Variants in HS3ST5 observed in about 807,000 individuals in gnomAD.
HS3ST5 encodes heparan sulfate-glucosamine 3-sulfotransferase 5, also known as heparan sulfate glucosamine 3-O-sulfotransferase 5.
Under a neutral mutation model 25.4 loss-of-function variants are expected in HS3ST5, and 10 were observed. The ratio of observed to expected loss-of-function variants is 0.39; its 90% CI spans 0.24 to 0.67. The LOEUF is 0.67. Among genes scored for constraint, HS3ST5 ranks in the 30% least tolerant of loss-of-function variants. The pLI is 0.44. For missense variants in HS3ST5, 324 were observed against 420.7 expected, an observed-to-expected ratio of 0.77 and a Z score of 2.01; for synonymous variants, 170 against 162.4, an observed-to-expected ratio of 1.05 and a Z score of -0.36.
intron 1 of HS3ST5, among the ~76,000 whole-genome samples, chr6:114,314,664 C>G (rs564106107): frequency 6.6e-6 from 1 of 152,254 alleles, no homozygotes; most frequent in African/African-American, 2.4e-5. Context: ...TATGGCCAGG[C>G]TTTCATCAAA....
At chr6:114,143,077 C>T (rs756425751) in intron 3 of HS3ST5, 2 of 152,160 alleles carry the variant, frequency 1.3e-5, no homozygotes, top group Non-Finnish European at 2.9e-5. Flanking sequence ...ACTTGTCACT[C>T]ATTAAATCTG....
At chr6:114,262,274 G>A (rs990336596) in intron 1 of HS3ST5, among the ~76,000 whole-genome samples, 1 of 152,168 alleles carries the variant, frequency 6.6e-6, no homozygotes, top group Non-Finnish European at 1.5e-5. Flanking sequence ...GCGGCTGGGC[G>A]CGGTGGCTCA....
intron 1 of HS3ST5, among the ~76,000 whole-genome samples, chr6:114,262,713 A>G (rs955251629): frequency 6.6e-6 from 1 of 152,206 alleles, no homozygotes; most frequent in Non-Finnish European, 1.5e-5. Context: ...TAAAACAGCA[A>G]TAATATTTAA....
chr6:114,162,106 T>TTATTCTCTC (rs1779001957), intron 3 of HS3ST5, among the ~76,000 whole-genome samples: 2 of 152,114 alleles, frequency 1.3e-5, no homozygotes, highest in South Asian at 4.1e-4. Flanking sequence ...AAAGATAAAA[T>TTATTCTCTC]TATTCTCTCA....
intron 2 of HS3ST5, among the ~76,000 whole-genome samples, chr6:114,199,038 C>G (rs1295047347): frequency 6.6e-6 from 1 of 151,954 alleles, no homozygotes; most frequent in Non-Finnish European, 1.5e-5. Context: ...ACTTCCAAGA[C>G]ATAGGGCAAC....
At chr6:114,117,579 A>G (rs1776591651) in intron 3 of HS3ST5, among the ~76,000 whole-genome samples, 1 of 152,188 alleles carries the variant, frequency 6.6e-6, no homozygotes, top group East Asian at 1.9e-4. Flanking sequence ...CTCTAACCCT[A>G]AACCCAAACT....
intron 1 of HS3ST5, among the ~76,000 whole-genome samples, chr6:114,269,146 G>A (rs1773532255): frequency 1.3e-5 from 2 of 152,286 alleles, no homozygotes; most frequent in Middle Eastern, 3.4e-3. Context: ...TATGTGTCAA[G>A]CACGGTATTA....
At chr6:114,176,984 C>A (rs946589290) in intron 2 of HS3ST5, among the ~76,000 whole-genome samples, 1 of 152,146 alleles carries the variant, frequency 6.6e-6, no homozygotes, top group Non-Finnish European at 1.5e-5. Flanking sequence ...TGTTTTCAGT[C>A]ATCTGTGCAA....
At chr6:114,269,968 G>A (rs1480773616) in intron 1 of HS3ST5, among the ~76,000 whole-genome samples, 1 of 152,152 alleles carries the variant, frequency 6.6e-6, no homozygotes, top group Non-Finnish European at 1.5e-5. Flanking sequence ...TCAATGGGAG[G>A]AGAAAACATT....
At chr6:114,158,335 G>C (rs1778792786) in intron 3 of HS3ST5, among the ~76,000 whole-genome samples, 1 of 152,210 alleles carries the variant, frequency 6.6e-6, no homozygotes, top group Non-Finnish European at 1.5e-5. Context: ...TAAATTATGA[G>C]CAGCAGAATC....
chr6:114,162,951 A>G (rs1428702388), intron 3 of HS3ST5, among the ~76,000 whole-genome samples: 1 of 152,086 alleles, frequency 6.6e-6, no homozygotes, highest in Non-Finnish European at 1.5e-5. Flanking sequence ...ATTAATTTGT[A>G]AAGTTCTTTG....
chr6:114,337,386 C>G (rs1776651276), intron 1 of HS3ST5, among the ~76,000 whole-genome samples: 1 of 152,140 alleles, frequency 6.6e-6, no homozygotes, highest in East Asian at 1.9e-4. Flanking sequence ...AACTCAGATT[C>G]CTTTGGCAAG....
intron 1 of HS3ST5, among the ~76,000 whole-genome samples, chr6:114,336,194 A>G (rs1776604650): frequency 6.6e-6 from 1 of 152,224 alleles, no homozygotes; most frequent in Admixed American, 6.5e-5. Flanking sequence ...TGATGACAGC[A>G]GTATCAATTA....
intron 2 of HS3ST5, among the ~76,000 whole-genome samples, chr6:114,208,436 A>ACCC (rs924997172): frequency 5.1e-4 from 78 of 152,280 alleles, no homozygotes; most frequent in African/African-American, 1.9e-3. Context: ...TTGTCCCTTG[A>ACCC]CCCTGAGTAC....
intron 3 of HS3ST5, among the ~76,000 whole-genome samples, chr6:114,108,363 TG>T (rs1582609038): frequency 6.6e-6 from 1 of 152,138 alleles, no homozygotes; most frequent in Non-Finnish European, 1.5e-5. Context: ...GCAGCACTGG[TG>T]TAAGTTGCTT....
chr6:114,186,930 C>G (rs1022147378), intron 2 of HS3ST5, among the ~76,000 whole-genome samples: 6 of 152,214 alleles, frequency 3.9e-5, no homozygotes, highest in African/African-American at 1.4e-4. Flanking sequence ...CAAATCTACT[C>G]TGCCTGAGCT....
chr6:114,095,392 G>A (rs1380784585), intron 3 of HS3ST5, among the ~76,000 whole-genome samples: 1 of 152,126 alleles, frequency 6.6e-6, no homozygotes, highest in Non-Finnish European at 1.5e-5. Flanking sequence ...TCAAACTAGT[G>A]AAGTTCAAAC....
At chr6:114,301,545 T>A (rs73542395) in intron 1 of HS3ST5, among the ~76,000 whole-genome samples, 19 of 152,102 alleles carry the variant, frequency 1.2e-4, no homozygotes, top group Non-Finnish European at 2.5e-4. Flanking sequence ...ATTTAAGGGA[T>A]CTACATCTGG....
intron 3 of HS3ST5, among the ~76,000 whole-genome samples, chr6:114,162,459 T>G (rs766452712): frequency 6.6e-6 from 1 of 152,200 alleles, no homozygotes; most frequent in Non-Finnish European, 1.5e-5. Context: ...CCTGAATTAT[T>G]GCAGTAGTTT....
Sources: gnomAD v4.1 joint callset for allele counts (sites outside exome capture counted in the v4.1 genomes callset) on GRCh38, gnomAD v4.1.1 for gene constraint, MANE v1.5 for transcripts, NCBI Gene and HGNC (gene_info 2026-07-23, HGNC 2026-07-21) for gene names.